SGCZ: variants seen among roughly 807,000 people sequenced by gnomAD.
SGCZ encodes the protein zeta-sarcoglycan.
A neutral mutation model predicts 41.3 loss-of-function variants in SGCZ; 40 were observed. The observed-to-expected ratio is 0.97, with a 90% CI of 0.75 to 1.26. SGCZ has a LOEUF of 1.26. SGCZ is among the 50% of genes most tolerant of loss of function. The pLI is 0.00. For synonymous variants in SGCZ, 206 were observed against 137.5 expected (o/e 1.50, Z -3.49); for missense variants, 552 against 369.8 (o/e 1.49, Z -4.04).
chr8:14,204,636 A>G, intron 4 of SGCZ, among the ~76,000 whole-genome samples: 2 of 152,030 alleles, frequency 1.3e-5, no homozygotes, highest in East Asian at 3.9e-4. Context: ...GACTAGAGAA[A>G]ACCTCCCCTC....
At chr8:15,215,443 G>A (rs955579155) in intron 1 of SGCZ, among the ~76,000 whole-genome samples, 8 of 152,002 alleles carry the variant, frequency 5.3e-5, no homozygotes, top group African/African-American at 7.3e-5. Context: ...TACTTCCTTC[G>A]GGGAAGTCTC....
intron 1 of SGCZ, among the ~76,000 whole-genome samples, chr8:14,835,369 C>G (rs910248491): frequency 6.6e-6 from 1 of 152,156 alleles, no homozygotes; most frequent in Non-Finnish European, 1.5e-5. Context: ...AAAATGATGA[C>G]CTGAATATTT....
chr8:14,470,473 G>C (rs1801183740), intron 2 of SGCZ, among the ~76,000 whole-genome samples: 1 of 151,916 alleles, frequency 6.6e-6, no homozygotes, highest in African/African-American at 2.4e-5. Context: ...TGCAAAATTT[G>C]TCAAAAGTCA....
chr8:14,702,013 A>G (rs1809153840), intron 1 of SGCZ, among the ~76,000 whole-genome samples: 1 of 151,878 alleles, frequency 6.6e-6, no homozygotes, highest in Admixed American at 6.6e-5. Context: ...TTTTACACGC[A>G]CTGGCACTGT....
At chr8:14,562,365 C>T (rs539274732) in intron 1 of SGCZ, among the ~76,000 whole-genome samples, 10 of 151,880 alleles carry the variant, frequency 6.6e-5, no homozygotes, top group Admixed American at 1.3e-4. Context: ...TCACGTTTGA[C>T]GAAAACACAA....
In SGCZ at chr8:14,102,076, TTATATATATATATA is replaced by T. The variant is rs55667194; in HGVS notation, c.744+286_744+299del. Among the ~76,000 whole-genome samples, 8 of 119,908 alleles carry T rather than the reference TTATATATATATATA, an allele frequency of 6.7e-5. No homozygotes were observed. In the East Asian group the frequency reaches 1.5e-3, roughly 22 times the overall value. 78.7% of individuals were successfully genotyped at this position (119,908 alleles called of 152,430 possible). On this transcript the variant is annotated intron_variant, in intron 7 of 7. Transcript: ENST00000382080. ...TGCCTGCCACTATGCTTGGCTAACT[TTATATATATATATA>T]TATATATATATATAATTTTTTTTTT... is the stretch of plus-strand genomic sequence containing the variant.
At chr8:14,583,194 C>T (rs953674969) in intron 1 of SGCZ, among the ~76,000 whole-genome samples, 38 of 150,346 alleles carry the variant, frequency 2.5e-4, no homozygotes, top group Non-Finnish European at 3.1e-4. Flanking sequence ...TTTTAATGAT[C>T]GCCATTCTAA....
chr8:14,621,818 G>C (rs1182373693), intron 1 of SGCZ, among the ~76,000 whole-genome samples: 1 of 152,066 alleles, frequency 6.6e-6, no homozygotes, highest in Non-Finnish European at 1.5e-5. Context: ...AATTTGACCT[G>C]AGATTTGGTT....
intron 1 of SGCZ, among the ~76,000 whole-genome samples, chr8:14,843,487 C>G (rs956011559): frequency 2.0e-5 from 3 of 151,906 alleles, no homozygotes; most frequent in African/African-American, 7.3e-5. Context: ...TTACTACATG[C>G]CTGTTCATCA....
chr8:14,674,581 G>C (rs113626658), intron 1 of SGCZ, among the ~76,000 whole-genome samples: 1 of 151,972 alleles, frequency 6.6e-6, no homozygotes, highest in Non-Finnish European at 1.5e-5. Context: ...GTTTTGATAC[G>C]GTTTGGGTTA....
intron 4 of SGCZ, among the ~76,000 whole-genome samples, chr8:14,202,564 G>T (rs145254454): frequency 1.3e-5 from 2 of 152,018 alleles, no homozygotes; most frequent in Admixed American, 6.6e-5. Context: ...ACAAAAGGCA[G>T]ATCAATGCAG....
At chr8:14,740,903 C>A (rs1585223166) in intron 1 of SGCZ, among the ~76,000 whole-genome samples, 1 of 152,002 alleles carries the variant, frequency 6.6e-6, no homozygotes, top group East Asian at 1.9e-4. Flanking sequence ...TCGCCAGCAC[C>A]CTTAAGATGA....
chr8:14,240,220 C>A (rs1291942710), intron 3 of SGCZ, among the ~76,000 whole-genome samples: 8 of 148,730 alleles, frequency 5.4e-5, no homozygotes, highest in Admixed American at 2.7e-4. Context: ...CCCAGCTACT[C>A]GGGAGGCTGA....
chr8:14,204,734 G>A (rs373754821), intron 4 of SGCZ, among the ~76,000 whole-genome samples: 2 of 152,118 alleles, frequency 1.3e-5, no homozygotes, highest in Non-Finnish European at 2.9e-5. Context: ...TTATGCTGAA[G>A]CTGGGACACA....
At chr8:14,693,015 C>T (rs914103116) in intron 1 of SGCZ, among the ~76,000 whole-genome samples, 2 of 152,006 alleles carry the variant, frequency 1.3e-5, no homozygotes, top group South Asian at 2.1e-4. Flanking sequence ...GGATAGTGGC[C>T]AAGATGCAAC....
At position 14,800,593 on chromosome 8, in the gene SGCZ, T is replaced by C. The variant is rs143972534; in HGVS notation, c.40-245667A>G. On this transcript the variant is annotated intron_variant, in intron 1 of 7. Transcript: ENST00000382080. ...CCCCCATGCTGTTTTCCTGATAGAG[T>C]TCCCAGGAGATCTGGTTCTTTGAAA... 8.4e-3 allele frequency among the ~76,000 whole-genome samples: 1,285 copies of C among 152,198 alleles called. 14 individuals are homozygous for C. The highest frequency in any genetic ancestry group is 0.011 in the Non-Finnish European group (768 of 68,012).
chr8:14,538,330 T>C (rs1308783452), intron 2 of SGCZ, among the ~76,000 whole-genome samples: 2 of 151,908 alleles, frequency 1.3e-5, no homozygotes, highest in African/African-American at 4.8e-5. Flanking sequence ...GAAATATAAA[T>C]AACACACAGG....
At chr8:14,748,112 T>C (rs1345663803) in intron 1 of SGCZ, among the ~76,000 whole-genome samples, 1 of 152,134 alleles carries the variant, frequency 6.6e-6, no homozygotes, top group Non-Finnish European at 1.5e-5. Context: ...TCTCAAAGGC[T>C]TCCCGTGTGT....
At chr8:14,618,994 C>T (rs913544901) in intron 1 of SGCZ, among the ~76,000 whole-genome samples, 2 of 151,990 alleles carry the variant, frequency 1.3e-5, no homozygotes, top group African/African-American at 4.8e-5. Flanking sequence ...TTTAGATGTC[C>T]AAGTGAACAC....
Sources: allele counts gnomAD v4.1 joint callset (sites outside exome capture counted in the v4.1 genomes callset), GRCh38; gene constraint gnomAD v4.1.1; transcripts MANE v1.5; gene names NCBI Gene and HGNC (gene_info 2026-07-23, HGNC 2026-07-21).